Variants in DLG2 observed in about 807,000 individuals in gnomAD.
DLG2 encodes the protein disks large homolog 2.
A neutral mutation model predicts 132.5 loss-of-function variants in DLG2; 45 were observed. The observed-to-expected ratio is 0.34, with a 90% CI of 0.27 to 0.44. The LOEUF (loss-of-function observed/expected upper bound fraction) is 0.44, where lower values mean the gene tolerates loss of function less well. Among genes scored for constraint, DLG2 ranks in the 20% least tolerant of loss-of-function variants. The pLI is 1.00. For synonymous variants in DLG2, 424 were observed against 419.6 expected, an observed-to-expected ratio of 1.01 and a Z score of -0.13; for missense variants, 1,045 against 1,196.9, an observed-to-expected ratio of 0.87 and a Z score of 1.87.
intron 6 of DLG2, among the ~76,000 whole-genome samples, chr11:84,907,050 A>C: frequency 6.6e-6 from 1 of 152,200 alleles, no homozygotes; most frequent in African/African-American, 2.4e-5. Flanking sequence ...AAAGGAATGA[A>C]AGCTGAATTT....
chr11:84,350,152 T>A (rs2098556557), intron 7 of DLG2, among the ~76,000 whole-genome samples: 2 of 132,416 alleles, frequency 1.5e-5, no homozygotes, highest in South Asian at 4.9e-4. Flanking sequence ...CACTCCAGCC[T>A]GGGCGACAGA....
chr11:84,991,270 G>A (rs981404367), intron 6 of DLG2, among the ~76,000 whole-genome samples: 4 of 152,176 alleles, frequency 2.6e-5, no homozygotes. Flanking sequence ...AGCAATTTGG[G>A]GGACTGAGGC....
At chr11:83,978,103 A>G (rs2092440939) in intron 12 of DLG2, among the ~76,000 whole-genome samples, 1 of 152,066 alleles carries the variant, frequency 6.6e-6, no homozygotes, top group Admixed American at 6.6e-5. Flanking sequence ...TACGATGAAT[A>G]TCAACAAAAT....
chr11:83,980,376 G>T, intron 12 of DLG2, 130 bp downstream of exon 12: 2 of 1,011,240 alleles, frequency 2.0e-6, no homozygotes, highest in Non-Finnish European at 2.8e-6. Context: ...TGAGAAAATA[G>T]ATTTCTGCCA....
At chr11:84,721,437 G>C (rs2061825730) in intron 6 of DLG2, among the ~76,000 whole-genome samples, 1 of 151,970 alleles carries the variant, frequency 6.6e-6, no homozygotes, top group Non-Finnish European at 1.5e-5. Context: ...GGAAACCCCA[G>C]AAGTAGTATT....
intron 4 of DLG2, among the ~76,000 whole-genome samples, chr11:85,269,842 G>C (rs542155073): frequency 6.6e-6 from 1 of 152,108 alleles, no homozygotes; most frequent in South Asian, 2.1e-4. Context: ...GTAATGTTGA[G>C]AAATTATTTA....
intron 6 of DLG2, among the ~76,000 whole-genome samples, chr11:84,732,497 T>C (rs1038264971): frequency 3.3e-5 from 5 of 152,176 alleles, no homozygotes; most frequent in Admixed American, 3.3e-4. Flanking sequence ...AGTTTTAATT[T>C]GCCTTTCCTT....
chr11:85,280,326 T>C (rs2078149405), intron 4 of DLG2, among the ~76,000 whole-genome samples: 1 of 152,064 alleles, frequency 6.6e-6, no homozygotes, highest in African/African-American at 2.4e-5. Context: ...AATAACCTTA[T>C]GAGGTAGACA....
intron 21 of DLG2, among the ~76,000 whole-genome samples, chr11:83,508,265 C>T (rs1228693438): frequency 1.4e-5 from 2 of 147,148 alleles, no homozygotes; most frequent in Non-Finnish European, 3.0e-5. Flanking sequence ...TTTTTTGAGA[C>T]AGTGTGTCAA....
intron 6 of DLG2, among the ~76,000 whole-genome samples, chr11:84,966,076 A>T (rs2053278347): frequency 6.6e-6 from 1 of 152,002 alleles, no homozygotes; most frequent in Non-Finnish European, 1.5e-5. Flanking sequence ...TTTATTGGTG[A>T]GGCAGATAAT....
At chr11:84,852,533 C>A (rs776174083) in intron 6 of DLG2, among the ~76,000 whole-genome samples, 4 of 151,908 alleles carry the variant, frequency 2.6e-5, no homozygotes, top group Non-Finnish European at 5.9e-5. Context: ...TTGTGGTATG[C>A]GTTTGCCATC....
chr11:84,304,257 T>C (rs146631521), intron 7 of DLG2, among the ~76,000 whole-genome samples: 2 of 152,332 alleles, frequency 1.3e-5, no homozygotes, highest in East Asian at 3.9e-4. Context: ...TACTGTGAGT[T>C]AGGCTACATT....
intron 6 of DLG2, among the ~76,000 whole-genome samples, chr11:84,542,012 T>G (rs1180884693): frequency 6.6e-6 from 1 of 152,148 alleles, no homozygotes; most frequent in Non-Finnish European, 1.5e-5. Flanking sequence ...GCATGATAAC[T>G]GATCCAGAAA....
chr11:85,429,097 A>AT (rs2090985649), intron 3 of DLG2, among the ~76,000 whole-genome samples: 2 of 152,194 alleles, frequency 1.3e-5, no homozygotes. Context: ...GAATCTCTCA[A>AT]TAGACCAATA....
intron 6 of DLG2, among the ~76,000 whole-genome samples, chr11:85,037,866 G>A (rs184785937): frequency 1.6e-4 from 24 of 152,138 alleles, no homozygotes; most frequent in African/African-American, 5.1e-4. Flanking sequence ...ATACATAATA[G>A]ATCTTAAAAT....
At chr11:85,191,512 C>A (rs919324886) in intron 4 of DLG2, among the ~76,000 whole-genome samples, 8 of 152,152 alleles carry the variant, frequency 5.3e-5, no homozygotes, top group African/African-American at 1.9e-4. Flanking sequence ...AAAAAATTTA[C>A]TGACACGCTC....
intron 6 of DLG2, among the ~76,000 whole-genome samples, chr11:85,110,488 C>A (rs911384605): frequency 5.3e-5 from 8 of 151,976 alleles, no homozygotes; most frequent in Non-Finnish European, 1.0e-4. Context: ...CCTAAGCATG[C>A]ACTCTCCTCT....
chr11:85,141,067 C>T (rs1477914686), intron 5 of DLG2, among the ~76,000 whole-genome samples: 2 of 151,722 alleles, frequency 1.3e-5, no homozygotes, highest in African/African-American at 4.8e-5. Context: ...GATTTCTTTT[C>T]TTCTGGATAA....
chr11:84,638,540 G>A (rs1329672459), intron 6 of DLG2, among the ~76,000 whole-genome samples: 4 of 152,184 alleles, frequency 2.6e-5, no homozygotes, highest in South Asian at 2.1e-4. Context: ...AAGCTATAAT[G>A]TGAACTTCTT....
Sources: gnomAD v4.1 joint callset for allele counts (sites outside exome capture counted in the v4.1 genomes callset) on GRCh38, gnomAD v4.1.1 for gene constraint, MANE v1.5 for transcripts, NCBI Gene and HGNC (gene_info 2026-07-23, HGNC 2026-07-21) for gene names.